CNNM2: variants seen among roughly 807,000 people sequenced by gnomAD.
The protein encoded by CNNM2 is cyclin and CBS domain divalent metal cation transport mediator 2.
A neutral mutation model predicts 66.9 loss-of-function variants in CNNM2; 12 were observed. The observed-to-expected ratio is 0.18, with a 90% CI of 0.11 to 0.29. The LOEUF is 0.29. Ranked by LOEUF, CNNM2 falls within the 10% of genes least tolerant of loss-of-function variation. The probability of loss-of-function intolerance (pLI) is 1.00; values close to 1 mark genes in which losing one functional copy is unlikely to be tolerated. For missense variants in CNNM2, 705 were observed against 1,167.7 expected (o/e 0.60, Z 5.77); for synonymous variants, 557 against 501.8 (o/e 1.11, Z -1.47).
intron 1 of CNNM2, among the ~76,000 whole-genome samples, chr10:103,025,195 G>A (rs532495519): frequency 6.6e-6 from 1 of 152,118 alleles, no homozygotes; most frequent in Non-Finnish European, 1.5e-5. Context: ...TGGTTCAAGC[G>A]ATTCTCCTGC....
chr10:103,052,069 G>A (rs1178394471), intron 2 of CNNM2, among the ~76,000 whole-genome samples: 1 of 151,926 alleles, frequency 6.6e-6, no homozygotes, highest in African/African-American at 2.4e-5. Context: ...GAGGTCAAGA[G>A]ATGGAGAACA....
intron 1 of CNNM2, among the ~76,000 whole-genome samples, chr10:102,926,619 C>T (rs1311333776): frequency 1.3e-5 from 2 of 151,974 alleles, no homozygotes; most frequent in African/African-American, 4.8e-5. Flanking sequence ...TAGCATAGCT[C>T]ACTGCAGCCT....
At chr10:103,025,591 C>T (rs1444713480) in intron 1 of CNNM2, among the ~76,000 whole-genome samples, 2 of 152,186 alleles carry the variant, frequency 1.3e-5, no homozygotes, top group Non-Finnish European at 1.5e-5. Flanking sequence ...GAAGTAGGAC[C>T]CAGGCATTTT....
rs534061178 is a variant in CNNM2, at chr10:102,918,870, G to A, written c.390G>A (p.Pro130=). ...AGCACGAGCGGCGGCGCCACAGCCC[G>A]GGGGAGCGCGGGCTGGGGGGCCCCG... ...FTEHERRRHS[P]GERGLGGPAP... The change falls in exon 1 of 8, where the codon CCG becomes CCA. Residue 130 remains proline (P), a synonymous_variant. Coordinates refer to ENST00000369878, the MANE Select transcript of CNNM2 (RefSeq NM_017649.5). The surrounding 1 kb of genome is among the most constrained non-coding windows in gnomAD (Gnocchi z 4.1). 6.2e-7 allele frequency: 1 copy of A among 1,607,356 alleles called. No individual in the cohort carries two copies. Among genetic ancestry groups the A allele is most frequent in the Non-Finnish European group, 8.5e-7 (1 of 1,176,856 alleles).
In CNNM2 at chr10:103,084,109, C is replaced by T. The variant is rs1031991049; in HGVS notation, c.*6929C>T. ...AGAACTTACGGTGGAGCTTCAGGGA[C>T]CCTCTGTGATCCATTCCTAAACCAC... On this transcript the variant is annotated 3_prime_UTR_variant, in exon 8 of 8. Coordinates refer to ENST00000369878, the MANE Select transcript of CNNM2 (RefSeq NM_017649.5). The T allele has an allele frequency of 4.6e-5, 7 of 152,144 alleles. No individual in the cohort carries two copies. The highest frequency in any genetic ancestry group is 1.7e-4 in the African/African-American group (7 of 41,436). The allele number at this position is 152,144 out of a possible 1,614,324, so 9.4% of individuals were successfully genotyped here.
chr10:103,041,189 C>T (rs759722073), intron 1 of CNNM2, among the ~76,000 whole-genome samples: 7 of 152,126 alleles, frequency 4.6e-5, no homozygotes, highest in African/African-American at 1.4e-4. Flanking sequence ...CCCCGTCTTC[C>T]GCCTCACCCA....
intron 1 of CNNM2, among the ~76,000 whole-genome samples, chr10:103,040,067 T>C (rs2065011681): frequency 6.6e-6 from 1 of 152,018 alleles, no homozygotes; most frequent in Admixed American, 6.6e-5. Context: ...CTTGGGAGGC[T>C]GAGGCAGGAG....
chr10:103,010,299 G>A (rs1020425860), intron 1 of CNNM2, among the ~76,000 whole-genome samples: 3 of 151,888 alleles, frequency 2.0e-5, no homozygotes, highest in Admixed American at 1.3e-4. Context: ...GTGCAGTGGT[G>A]CAATCATGGC....
At chr10:102,926,426 T>A (rs1335702175) in intron 1 of CNNM2, among the ~76,000 whole-genome samples, 1 of 152,176 alleles carries the variant, frequency 6.6e-6, no homozygotes, top group Non-Finnish European at 1.5e-5. Context: ...GAAGCATTCT[T>A]AACCATTGTG....
rs542553303 is a variant in CNNM2 at position 103,042,383 on chromosome 10, T to C, written c.1622-7324T>C. On this transcript the variant is annotated intron_variant, in intron 1 of 7. Transcript: ENST00000369878. ...TCCCACCTGCTGCCAGGCCTTTCCC[T>C]GGCCATCCTGTGTTAAATGTCATCC... Among the ~76,000 whole-genome samples the C allele has an allele frequency of 3.9e-5, 6 of 152,304 alleles. No individual in the cohort carries two copies. In the South Asian group the frequency reaches 1.2e-3, roughly 32 times the overall value.
chr10:102,968,332 T>C (rs2063497468), intron 1 of CNNM2, among the ~76,000 whole-genome samples: 1 of 152,208 alleles, frequency 6.6e-6, no homozygotes, highest in South Asian at 2.1e-4. Context: ...CTGTAACCTC[T>C]GCCTCCTGGG....
chr10:103,089,982 CCT>C lies in CNNM2; in HGVS notation c.*12805_*12806del, dbSNP rs2066282766. 4.8e-6 allele frequency: 6 copies of C among 1,243,404 alleles called. No individual in the cohort carries two copies. In the South Asian group the frequency reaches 7.6e-5, roughly 16 times the overall value. 77.0% of individuals were successfully genotyped at this position (1,243,404 alleles called of 1,614,324 possible). On this transcript the variant is annotated 3_prime_UTR_variant, in exon 8 of 8. Coordinates refer to ENST00000369878, the MANE Select transcript of CNNM2 (RefSeq NM_017649.5). ...CTACTCCCCAAATCCTAACCCCTCT[CCT>C]CTGTTAGGTGGCCATGCAATTACAT...
At chr10:103,049,960 T>C (rs1346356310) in intron 2 of CNNM2, 110 bp downstream of exon 2, 1 of 1,065,020 alleles carries the variant, frequency 9.4e-7, no homozygotes, top group African/African-American at 1.6e-5. Context: ...TAATGACACA[T>C]GATGTGTGTA....
At chr10:102,936,355 GATGT>G (rs1372692153) in intron 1 of CNNM2, among the ~76,000 whole-genome samples, 1 of 152,086 alleles carries the variant, frequency 6.6e-6, no homozygotes, top group Non-Finnish European at 1.5e-5. Flanking sequence ...GTACCTCCTT[GATGT>G]AAGGTTTGGC....
chr10:102,931,519 G>A (rs753064570), intron 1 of CNNM2, among the ~76,000 whole-genome samples: 11 of 151,930 alleles, frequency 7.2e-5, no homozygotes, highest in Non-Finnish European at 1.0e-4. Flanking sequence ...CACCACGGCC[G>A]GCTAATTTTG....
chr10:102,960,419 C>T (rs2063361366), intron 1 of CNNM2, among the ~76,000 whole-genome samples: 1 of 152,164 alleles, frequency 6.6e-6, no homozygotes, highest in Non-Finnish European at 1.5e-5. Flanking sequence ...AAATTTTTAA[C>T]TATTAAAAGT....
At chr10:102,957,462 GT>G (rs1847088037) in intron 1 of CNNM2, among the ~76,000 whole-genome samples, 1 of 152,160 alleles carries the variant, frequency 6.6e-6, no homozygotes, top group African/African-American at 2.4e-5. Context: ...AGAAGGGAAA[GT>G]TTTTGAGTGC....
chr10:102,999,994 G>T, intron 1 of CNNM2, among the ~76,000 whole-genome samples: 1 of 152,130 alleles, frequency 6.6e-6, no homozygotes, highest in East Asian at 1.9e-4. Context: ...CCAGCAGTTT[G>T]GGAGGTCAAG....
chr10:102,965,279 A>G (rs2063445276), intron 1 of CNNM2, among the ~76,000 whole-genome samples: 1 of 152,158 alleles, frequency 6.6e-6, no homozygotes, highest in Non-Finnish European at 1.5e-5. Flanking sequence ...TTAACAATGA[A>G]CAGTTTAAAA....
Sources: allele counts gnomAD v4.1 joint callset (sites outside exome capture counted in the v4.1 genomes callset), GRCh38; gene constraint gnomAD v4.1.1; non-coding constraint Gnocchi (gnomAD v3.1); transcripts MANE v1.5; gene names NCBI Gene and HGNC (gene_info 2026-07-23, HGNC 2026-07-21).